ZMAT4: variants seen among roughly 807,000 people sequenced by gnomAD.
The protein encoded by ZMAT4 is zinc finger matrin-type protein 4.
In ZMAT4, 17 loss-of-function variants were observed where a neutral mutation model predicts 28.7. The observed-to-expected ratio is 0.59, with a 90% CI of 0.41 to 0.89. The LOEUF is 0.89. Ranked by LOEUF, ZMAT4 falls within the 40% of genes least tolerant of loss-of-function variation. ZMAT4 has a pLI of 0.00. For synonymous variants in ZMAT4, 117 were observed against 109.2 expected (o/e 1.07, Z -0.44); for missense variants, 240 against 283.8 (o/e 0.85, Z 1.11).
chr8:40,801,351 A>AAATATATATATATATATATATATACAT (rs370796453), intron 2 of ZMAT4, among the ~76,000 whole-genome samples: 2 of 97,258 alleles, frequency 2.1e-5, no homozygotes, highest in African/African-American at 7.4e-5. Context: ...TAAAAAAAAA[A>AAATATATATATATATATATATATACAT]ATATATATAT....
chr8:40,563,818 T>C (rs1486756315), intron 6 of ZMAT4, among the ~76,000 whole-genome samples: 2 of 152,072 alleles, frequency 1.3e-5, no homozygotes, highest in African/African-American at 4.8e-5. Flanking sequence ...AAGGCAGCTG[T>C]TCCTTGACTC....
intron 1 of ZMAT4, among the ~76,000 whole-genome samples, chr8:40,842,597 C>A (rs1337879491): frequency 1.3e-5 from 2 of 152,080 alleles, no homozygotes; most frequent in East Asian, 3.9e-4. Flanking sequence ...CAAGAGAAAG[C>A]AGTGATTTAC....
chr8:40,649,495 T>C (rs1004252196), intron 5 of ZMAT4, among the ~76,000 whole-genome samples: 5 of 152,140 alleles, frequency 3.3e-5, no homozygotes, highest in Non-Finnish European at 7.4e-5. Flanking sequence ...AACACCCCAC[T>C]GTCAACATTA....
At chr8:40,881,540 AAGAAAGAAAGAAAGAAAG>A (rs1216702280) in intron 1 of ZMAT4, among the ~76,000 whole-genome samples, 3 of 43,528 alleles carry the variant, frequency 6.9e-5, no homozygotes, top group Non-Finnish European at 1.4e-4. Context: ...GAAAGAAAGA[AAGAAAGAAAGAAAGAAAG>A]AAAGAAAGAA....
chr8:40,778,653 T>C (rs1251526615), intron 2 of ZMAT4, among the ~76,000 whole-genome samples: 2 of 152,260 alleles, frequency 1.3e-5, no homozygotes, highest in South Asian at 2.1e-4. Flanking sequence ...CCAGTATTTG[T>C]TTTATTTAAT....
intron 1 of ZMAT4, among the ~76,000 whole-genome samples, chr8:40,876,997 A>T (rs946385019): frequency 1.3e-5 from 2 of 152,232 alleles, no homozygotes; most frequent in Non-Finnish European, 2.9e-5. Flanking sequence ...CTCCTTCAGA[A>T]TGCAACTTTA....
At chr8:40,813,861 G>A (rs1426781094) in intron 2 of ZMAT4, among the ~76,000 whole-genome samples, 1 of 152,232 alleles carries the variant, frequency 6.6e-6, no homozygotes, top group East Asian at 1.9e-4. Context: ...CTCAGAAGAG[G>A]AATATTTGGC....
intron 3 of ZMAT4, among the ~76,000 whole-genome samples, chr8:40,726,654 CA>C (rs1392380002): frequency 6.6e-6 from 1 of 152,212 alleles, no homozygotes; most frequent in East Asian, 1.9e-4. Context: ...ACCCACAACA[CA>C]AACCTAGCCC....
At chr8:40,777,278 G>A (rs1039765879) in intron 2 of ZMAT4, among the ~76,000 whole-genome samples, 1 of 152,162 alleles carries the variant, frequency 6.6e-6, no homozygotes, top group South Asian at 2.1e-4. Flanking sequence ...TTTTGGGAAG[G>A]TTGCCGTGCA....
chr8:40,878,206 A>C (rs1160552563), intron 1 of ZMAT4, among the ~76,000 whole-genome samples: 2 of 152,210 alleles, frequency 1.3e-5, no homozygotes, highest in African/African-American at 4.8e-5. Context: ...ATTGAACGGA[A>C]GTCGAGGGGT....
chr8:40,882,310 A>G (rs924216335), intron 1 of ZMAT4, among the ~76,000 whole-genome samples: 2 of 152,074 alleles, frequency 1.3e-5, no homozygotes, highest in Non-Finnish European at 2.9e-5. Context: ...TCTCAATATT[A>G]TGGTTCTAGA....
chr8:40,718,799 G>C (rs573428782), intron 3 of ZMAT4, among the ~76,000 whole-genome samples: 2 of 152,314 alleles, frequency 1.3e-5, no homozygotes, highest in African/African-American at 4.8e-5. Context: ...CTATAGATAA[G>C]AGTTCTGGGG....
At chr8:40,690,194 A>G (rs1351642900) in intron 4 of ZMAT4, among the ~76,000 whole-genome samples, 1 of 152,186 alleles carries the variant, frequency 6.6e-6, no homozygotes, top group Non-Finnish European at 1.5e-5. Context: ...ATGGACTAAC[A>G]GGCATGGTTT....
intron 3 of ZMAT4, among the ~76,000 whole-genome samples, chr8:40,739,550 C>T (rs1811913857): frequency 6.6e-6 from 1 of 152,186 alleles, no homozygotes; most frequent in South Asian, 2.1e-4. Flanking sequence ...AGCAGTACAA[C>T]TGACACAGGA....
chr8:40,649,094 T>G (rs369101353), intron 5 of ZMAT4, among the ~76,000 whole-genome samples: 1 of 146,414 alleles, frequency 6.8e-6, no homozygotes, highest in Non-Finnish European at 1.5e-5. Flanking sequence ...TAAATGTAAA[T>G]GGACTAAATG....
At chr8:40,636,188 T>C (rs1761263858) in intron 5 of ZMAT4, among the ~76,000 whole-genome samples, 1 of 152,224 alleles carries the variant, frequency 6.6e-6, no homozygotes, top group Admixed American at 6.5e-5. Context: ...AAATGTGAGA[T>C]TGCGTAAGCA....
At chr8:40,769,874 AC>A (rs1813318450) in intron 2 of ZMAT4, among the ~76,000 whole-genome samples, 2 of 152,048 alleles carry the variant, frequency 1.3e-5, no homozygotes, top group Non-Finnish European at 2.9e-5. Context: ...TTATTTAATT[AC>A]AGCTAGACAA....
intron 5 of ZMAT4, among the ~76,000 whole-genome samples, chr8:40,632,337 T>C (rs969967993): frequency 6.6e-5 from 10 of 152,192 alleles, no homozygotes; most frequent in African/African-American, 2.4e-4. Context: ...TGGAAAGCCA[T>C]GCCATTTTCT....
intron 6 of ZMAT4, among the ~76,000 whole-genome samples, chr8:40,572,392 A>G (rs1420601543): frequency 6.6e-6 from 1 of 152,182 alleles, no homozygotes; most frequent in Non-Finnish European, 1.5e-5. Flanking sequence ...TCAAAGGAAG[A>G]AGCAGATTTA....
Sources: allele counts gnomAD v4.1 joint callset (sites outside exome capture counted in the v4.1 genomes callset), GRCh38; gene constraint gnomAD v4.1.1; transcripts MANE v1.5; gene names NCBI Gene and HGNC (gene_info 2026-07-23, HGNC 2026-07-21).